PCDH15: variants seen among roughly 807,000 people sequenced by gnomAD.
PCDH15 encodes protocadherin-15.
Under a neutral mutation model 178.5 loss-of-function variants are expected in PCDH15, and 129 were observed. That is an observed-to-expected ratio of 0.72 (90% confidence interval 0.63 to 0.84). The LOEUF is 0.84. Ranked by LOEUF, PCDH15 falls within the 40% of genes least tolerant of loss-of-function variation. PCDH15 has a pLI of 0.00. For missense variants in PCDH15, 2,230 were observed against 2,099.9 expected, an observed-to-expected ratio of 1.06 and a Z score of -1.21; for synonymous variants, 800 against 732.0, an observed-to-expected ratio of 1.09 and a Z score of -1.50.
chr10:55,278,963 T>C (rs1445344433), intron 1 of PCDH15, among the ~76,000 whole-genome samples: 3 of 152,188 alleles, frequency 2.0e-5, no homozygotes, highest in Non-Finnish European at 4.4e-5. Flanking sequence ...TAACACTTCA[T>C]TTGATTCTCA....
intron 2 of PCDH15, among the ~76,000 whole-genome samples, chr10:55,548,222 A>G (rs948069721): frequency 1.1e-4 from 16 of 145,028 alleles, no homozygotes; most frequent in Non-Finnish European, 1.6e-4. Flanking sequence ...ACACACACAC[A>G]CACACACACA....
At chr10:55,291,327 C>T (rs916792388) in intron 1 of PCDH15, among the ~76,000 whole-genome samples, 16 of 152,248 alleles carry the variant, frequency 1.1e-4, no homozygotes, top group African/African-American at 3.6e-4. Context: ...TTAGAAACAC[C>T]TGAATATATG....
intron 18 of PCDH15, among the ~76,000 whole-genome samples, chr10:54,033,383 T>C (rs1041637972): frequency 9.9e-5 from 15 of 152,032 alleles, no homozygotes; most frequent in African/African-American, 3.6e-4. Context: ...AAGTAAGGTT[T>C]TCTTGTCTCC....
chr10:55,609,570 G>T (rs922857376), intron 2 of PCDH15, among the ~76,000 whole-genome samples: 12 of 151,806 alleles, frequency 7.9e-5, no homozygotes, highest in African/African-American at 2.7e-4. Context: ...AAAATGAAAG[G>T]CCTCTTCATT....
At chr10:54,897,029 G>T (rs1954558413) in intron 3 of PCDH15, among the ~76,000 whole-genome samples, 1 of 152,046 alleles carries the variant, frequency 6.6e-6, no homozygotes, top group African/African-American at 2.4e-5. Flanking sequence ...TCCAAATATT[G>T]ATTACTTCAT....
intron 3 of PCDH15, among the ~76,000 whole-genome samples, chr10:54,890,593 G>T (rs890003369): frequency 4.0e-5 from 6 of 151,810 alleles, no homozygotes; most frequent in South Asian, 2.1e-4. Context: ...TTTCTTTTAG[G>T]CTCCATGTTT....
At chr10:55,360,302 T>C (rs890401315) in intron 2 of PCDH15, among the ~76,000 whole-genome samples, 25 of 151,946 alleles carry the variant, frequency 1.6e-4, no homozygotes, top group African/African-American at 4.8e-4. Flanking sequence ...TGTGTATATA[T>C]GATAAGATGT....
chr10:55,280,114 T>G (rs1842689538), intron 1 of PCDH15, among the ~76,000 whole-genome samples: 2 of 152,024 alleles, frequency 1.3e-5, no homozygotes, highest in Admixed American at 6.6e-5. Flanking sequence ...AAGTAATAGA[T>G]GCAGCCCATT....
chr10:54,170,476 T>C (rs1015866050), intron 13 of PCDH15, among the ~76,000 whole-genome samples: 2 of 151,734 alleles, frequency 1.3e-5, no homozygotes, highest in African/African-American at 4.9e-5. Flanking sequence ...CTCTCTACAG[T>C]TCTCATAACT....
chr10:55,544,135 CATACATATATATATATATATATAT>C (rs1457702699), intron 2 of PCDH15, among the ~76,000 whole-genome samples: 5 of 96,206 alleles, frequency 5.2e-5, no homozygotes, highest in South Asian at 3.3e-4. Flanking sequence ...AAATCTTATA[CATACATATATATATATATATATAT>C]ATATATATAT....
intron 2 of PCDH15, among the ~76,000 whole-genome samples, chr10:55,084,193 A>G (rs892081924): frequency 4.0e-5 from 6 of 151,822 alleles, no homozygotes; most frequent in African/African-American, 1.4e-4. Context: ...GCTATTGTAA[A>G]CAAAATAGCA....
intron 1 of PCDH15, among the ~76,000 whole-genome samples, chr10:54,674,444 A>T (rs964430366): frequency 3.3e-5 from 5 of 152,168 alleles, no homozygotes; most frequent in African/African-American, 1.2e-4. Flanking sequence ...ACGTTTGCAG[A>T]AATATCATCT....
At chr10:54,568,992 A>C (rs934112679) in intron 2 of PCDH15, among the ~76,000 whole-genome samples, 4 of 151,972 alleles carry the variant, frequency 2.6e-5, no homozygotes, top group Non-Finnish European at 5.9e-5. Flanking sequence ...ACCTAGTTTC[A>C]AGGAATAATC....
chr10:55,198,989 G>A (rs1840169811), intron 1 of PCDH15, among the ~76,000 whole-genome samples: 1 of 152,006 alleles, frequency 6.6e-6, no homozygotes, highest in Admixed American at 6.5e-5. Context: ...ATCTCAGGTA[G>A]TTATTTATAG....
In PCDH15 at chr10:54,185,061, T is replaced by A. The variant is rs184185799; in HGVS notation, c.1440+73A>T. ...ATTTTTTCAGTTTTAACCAGACATC[T>A]CTTTCAGTTCCATACAAACATACAT... is the stretch of plus-strand genomic sequence containing the variant. On this transcript the variant is annotated intron_variant, in intron 12 of 37. Coordinates refer to ENST00000644397, the MANE Select transcript of PCDH15 (RefSeq NM_001384140.1). 9.6e-5 allele frequency: 150 copies of A among 1,555,330 alleles called. No homozygotes were observed. The East Asian group carries it at 2.8e-3, about 29-fold the overall frequency.
At chr10:54,964,109 C>A (rs1251494584) in intron 2 of PCDH15, among the ~76,000 whole-genome samples, 1 of 152,180 alleles carries the variant, frequency 6.6e-6, no homozygotes, top group African/African-American at 2.4e-5. Context: ...ATATGGTGAT[C>A]TGGTCAGTTT....
chr10:54,034,261 C>A (rs2135450377), intron 18 of PCDH15, among the ~76,000 whole-genome samples: 1 of 151,986 alleles, frequency 6.6e-6, no homozygotes, highest in East Asian at 1.9e-4. Context: ...TCACGTTTTT[C>A]CCAAACAATA....
intron 5 of PCDH15, among the ~76,000 whole-genome samples, chr10:54,357,579 C>A (rs1191241567): frequency 2.0e-5 from 3 of 152,024 alleles, no homozygotes; most frequent in East Asian, 1.9e-4. Flanking sequence ...GTGAAAATGG[C>A]CATACTGCCC....
At chr10:54,378,313 T>C (rs1948745006) in intron 4 of PCDH15, among the ~76,000 whole-genome samples, 1 of 152,148 alleles carries the variant, frequency 6.6e-6, no homozygotes, top group Non-Finnish European at 1.5e-5. Flanking sequence ...TTTCTCATTT[T>C]TTTTTTCTTT....
Sources: allele counts gnomAD v4.1 joint callset (sites outside exome capture counted in the v4.1 genomes callset), GRCh38; gene constraint gnomAD v4.1.1; transcripts MANE v1.5; gene names NCBI Gene and HGNC (gene_info 2026-07-23, HGNC 2026-07-21).